Variants in DGAT2 observed in about 807,000 individuals in gnomAD.
DGAT2 encodes diacylglycerol O-acyltransferase 2.
In DGAT2, 33 loss-of-function variants were observed where a neutral mutation model predicts 48.4. The ratio of observed to expected loss-of-function variants is 0.68; its 90% CI spans 0.52 to 0.91. The LOEUF (loss-of-function observed/expected upper bound fraction) is 0.91, where lower values mean the gene tolerates loss of function less well. DGAT2 is among the 40% of genes least tolerant of loss of function. DGAT2 has a pLI of 0.00. For synonymous variants in DGAT2, 191 were observed against 194.1 expected (o/e 0.98, Z 0.13); for missense variants, 446 against 493.7 (o/e 0.90, Z 0.92).
rs190485288 is a variant in DGAT2 at position 75,800,914 on chromosome 11, C to T, written c.*406C>T. On this transcript the variant is annotated 3_prime_UTR_variant, in exon 8 of 8. Coordinates refer to ENST00000228027, the MANE Select transcript of DGAT2 (RefSeq NM_032564.5). The stretch of plus-strand genomic sequence containing the variant: ...AAGCCCCTTTATTGCCACTACCCCA[C>T]GCTCGTCTAGTCCTGAAACTGCAGG... The T allele has an allele frequency of 2.3e-4, 45 of 199,344 alleles. No homozygotes were observed. In the East Asian group the frequency reaches 2.6e-3, roughly 11 times the overall value. The allele number at this position is 199,344 out of a possible 1,614,324, so 12.3% of individuals were successfully genotyped here.
In DGAT2 at chr11:75,790,230, A is replaced by C; in HGVS notation, c.293A>C (p.Asp98Ala). ...SAILMYIFCTDCWLIAVLYFT... is the reference protein window; with the variant it reads ...SAILMYIFCTACWLIAVLYFT... ...ATCCTCATGTACATATTCTGCACTGATTGCTGGCTCATCGCTGTGCTCTAC... is the reference window on the plus strand; with the variant it reads ...ATCCTCATGTACATATTCTGCACTGCTTGCTGGCTCATCGCTGTGCTCTAC... Residue 98 changes from aspartate to alanine, a missense_variant, in exon 3 of 8, where the codon GAT (aspartate) becomes GCT (alanine). Physicochemically the swap from Asp to Ala is moderately radical, Grantham distance 126 (BLOSUM62 -2). Coordinates refer to ENST00000228027, the MANE Select transcript of DGAT2 (RefSeq NM_032564.5). The C allele has an allele frequency of 2.5e-6, 4 of 1,614,130 alleles. No individual in the cohort carries two copies. Among genetic ancestry groups the C allele is most frequent in the Non-Finnish European group, 3.4e-6 (4 of 1,180,032 alleles).
intron 1 of DGAT2, among the ~76,000 whole-genome samples, chr11:75,770,404 G>A (rs1342487252): frequency 6.6e-6 from 1 of 152,188 alleles, no homozygotes; most frequent in Non-Finnish European, 1.5e-5. Context: ...TGTCTCGGGG[G>A]CGAGCAGCTT....
intron 4 of DGAT2, among the ~76,000 whole-genome samples, 179 bp downstream of exon 4, chr11:75,790,910 G>T (rs776002451): frequency 3.9e-5 from 6 of 152,186 alleles, no homozygotes; most frequent in Non-Finnish European, 7.4e-5. Flanking sequence ...TCTTCTTTGG[G>T]CCAGCCCTGA....
At chr11:75,790,558 T>C in intron 3 of DGAT2, 103 bp from the exon 4 acceptor site, 1 of 1,074,366 alleles carries the variant, frequency 9.3e-7, no homozygotes, top group South Asian at 1.2e-5. Flanking sequence ...GCATGGTGCA[T>C]GGGGTGATGG....
In DGAT2 at chr11:75,769,041, A is replaced by C; in HGVS notation, c.50A>C (p.Gln17Pro). 6.3e-7 allele frequency: 1 copy of C among 1,576,628 alleles called. No individual in the cohort carries two copies. Among genetic ancestry groups the C allele is most frequent in the Non-Finnish European group, 8.6e-7 (1 of 1,164,218 alleles). The change falls in exon 1 of 8, where the codon CAG becomes CCG. Residue 17 changes from glutamine (Q) to proline (P), a missense_variant. Physicochemically the swap from Gln to Pro is moderately conservative, Grantham distance 76. Transcript: ENST00000228027. ...TCCGGGGTCCTGCGCGGCGAGCGTC[A>C]GGCCGAGGCTGACCGGAGCCAGCGC... ...AYSGVLRGER[Q>P]AEADRSQRSH... is the part of the protein sequence containing the mutation.
At chr11:75,797,475 A>G in intron 6 of DGAT2, 143 bp downstream of exon 6, 1 of 1,064,140 alleles carries the variant, frequency 9.4e-7, no homozygotes, top group Non-Finnish European at 1.2e-6. Context: ...GGGATGTTGG[A>G]GCCCAGACTG....
chr11:75,787,647 G>A (rs1416834976), intron 2 of DGAT2, among the ~76,000 whole-genome samples: 3 of 152,244 alleles, frequency 2.0e-5, no homozygotes, highest in Non-Finnish European at 4.4e-5. Context: ...TGGAACCAGA[G>A]CCTGTTGTTC....
chr11:75,796,283 T>A lies in DGAT2; in HGVS notation c.430-45T>A, dbSNP rs1590876014. The stretch of plus-strand genomic sequence containing the variant: ...CCTACCCTCCGGGTATGCCCCGGTA[T>A]CCCTCTCCCAGCCAGTTTCCTCTGA... On this transcript the variant is annotated intron_variant, in intron 4 of 7. Coordinates refer to ENST00000228027, the MANE Select transcript of DGAT2 (RefSeq NM_032564.5). The A allele has an allele frequency of 1.9e-6, 3 of 1,561,614 alleles. No homozygotes were observed. In the East Asian group the frequency reaches 6.8e-5, roughly 35 times the overall value.
chr11:75,787,119 A>AT (rs1260775204), intron 2 of DGAT2, among the ~76,000 whole-genome samples: 1 of 152,164 alleles, frequency 6.6e-6, no homozygotes. Context: ...TACCTTTGTT[A>AT]TTTATTTGTG....
Position 75,784,621 on chromosome 11 carries a change from C to G in DGAT2, c.125C>G (p.Thr42Ser), listed in dbSNP as rs745739855. ...LSREGSGRWG[T>S]GSSILSALQD... is the part of the protein sequence containing the mutation. ...TGACATCTTCCCTCTGCTGTAGGCA[C>G]TGGATCCAGCATCCTCTCCGCCCTC... Residue 42 changes from threonine (T) to serine (S), a missense_variant, in exon 2 of 8, where the codon ACT becomes AGT. Transcript: ENST00000228027. The G allele has an allele frequency of 6.2e-7, 1 of 1,614,028 alleles. No homozygotes were observed. The highest frequency in any genetic ancestry group is 1.7e-5 in the Admixed American group (1 of 60,022).
chr11:75,780,073 TGTGCAGAGAGA>T (rs1319830706), intron 1 of DGAT2, among the ~76,000 whole-genome samples: 3 of 152,026 alleles, frequency 2.0e-5, no homozygotes, highest in Non-Finnish European at 2.9e-5. Flanking sequence ...GCTGTGGGAG[TGTGCAGAGAGA>T]GTGCAGATGT....
intron 2 of DGAT2, among the ~76,000 whole-genome samples, chr11:75,788,774 C>A (rs1944951501): frequency 6.6e-6 from 1 of 152,188 alleles, no homozygotes; most frequent in South Asian, 2.1e-4. Context: ...TAGAAGGAGT[C>A]CATGCTTCTC....
intron 1 of DGAT2, among the ~76,000 whole-genome samples, chr11:75,771,899 T>C (rs1282488848): frequency 2.6e-5 from 4 of 152,168 alleles, no homozygotes; most frequent in Non-Finnish European, 4.4e-5. Flanking sequence ...TGCCCTCAAA[T>C]TCAACAGCAA....
intron 6 of DGAT2, among the ~76,000 whole-genome samples, chr11:75,797,617 T>TG (rs1945071247): frequency 6.6e-6 from 1 of 152,020 alleles, no homozygotes; most frequent in Admixed American, 6.5e-5. Flanking sequence ...CCAGAATATA[T>TG]CATTTTGCTG....
intron 2 of DGAT2, among the ~76,000 whole-genome samples, chr11:75,787,224 TTTG>T (rs1296663908): frequency 6.6e-6 from 1 of 152,244 alleles, no homozygotes; most frequent in African/African-American, 2.4e-5. Flanking sequence ...TTAGATGTCA[TTTG>T]TTTCCCCATC....
chr11:75,779,279 T>C (rs1434491462), intron 1 of DGAT2, among the ~76,000 whole-genome samples: 1 of 152,180 alleles, frequency 6.6e-6, no homozygotes, highest in Non-Finnish European at 1.5e-5. Context: ...GGAGCTCTCC[T>C]TTGCCAGGAT....
chr11:75,798,580 T>C, intron 7 of DGAT2, 151 bp downstream of exon 7: 1 of 861,158 alleles, frequency 1.2e-6, no homozygotes, highest in Non-Finnish European at 1.8e-6. Flanking sequence ...GTGCTGATAT[T>C]GGTCAGGAGG....
intron 4 of DGAT2, chr11:75,795,431 G>A (rs1226562794): frequency 6.6e-6 from 1 of 152,188 alleles, no homozygotes; most frequent in African/African-American, 2.4e-5. Flanking sequence ...TTGTAACACA[G>A]GGTAGGTGTC....
rs542332985 is a variant in DGAT2 at position 75,790,121 on chromosome 11, C to T, written c.251-67C>T. 6 of 1,178,180 alleles carry T rather than the reference C, an allele frequency of 5.1e-6. No individual in the cohort carries two copies. In the South Asian group the frequency reaches 6.2e-5, roughly 12 times the overall value. 73.0% of individuals were successfully genotyped at this position (1,178,180 alleles called of 1,614,324 possible). A position where few individuals can be genotyped will look rare whatever the true frequency, so the allele number is the denominator to read the frequency against. On this transcript the variant is annotated intron_variant, in intron 2 of 7. Coordinates refer to ENST00000228027, the MANE Select transcript of DGAT2 (RefSeq NM_032564.5). ...TTAGTGCCACAGTAAACACTCACTC[C>T]ATCCACCATGGCCCAGAGGGGAGAT...
Sources: gnomAD v4.1 joint callset for allele counts (sites outside exome capture counted in the v4.1 genomes callset) on GRCh38, gnomAD v4.1.1 for gene constraint, MANE v1.5 for transcripts, NCBI Gene and HGNC (gene_info 2026-07-23, HGNC 2026-07-21) for gene names.